HIP1R: variants seen among roughly 807,000 people sequenced by gnomAD.
HIP1R encodes the protein huntingtin-interacting protein 1-related protein.
Under a neutral mutation model 144.2 loss-of-function variants are expected in HIP1R, and 135 were observed. The observed-to-expected ratio is 0.94, with a 90% CI of 0.81 to 1.08. The LOEUF is 1.08. Among genes scored for constraint, HIP1R ranks in the 50% least tolerant of loss-of-function variants. The pLI, the probability that HIP1R is intolerant of heterozygous loss-of-function variation, is 0.00. For synonymous variants in HIP1R, 698 were observed against 612.8 expected, an observed-to-expected ratio of 1.14 and a Z score of -2.05; for missense variants, 1,462 against 1,432.8, an observed-to-expected ratio of 1.02 and a Z score of -0.33.
chr12:122,851,516 G>A (rs2033393761), intron 7 of HIP1R, among the ~76,000 whole-genome samples: 1 of 151,950 alleles, frequency 6.6e-6, no homozygotes, highest in Admixed American at 6.6e-5. Context: ...TGGCCAACAT[G>A]GTGAAACCCT....
Position 122,857,175 on chromosome 12 carries a change from C to T in HIP1R, c.1775C>T (p.Ser592Phe). The change falls in exon 18 of 32, where the codon TCC (serine) becomes TTC (phenylalanine). Residue 592 changes from serine (S) to phenylalanine (F), a missense_variant. Around this residue, in one of 2 missense-constraint regions of HIP1R, gnomAD observed 1,112 missense variants for 1,011.7 expected, o/e 1.10. Transcript: ENST00000253083. ...AALSREQQRS[S>F]QEQGELQGRL... is the part of the protein sequence containing the mutation. ...CTGAGCCGGGAGCAGCAGCGCAGCT[C>T]CCAGGAGCAGGGCGAGTTGCAGGGC... 1 of 1,550,434 alleles carries T rather than the reference C, an allele frequency of 6.4e-7. No homozygotes were observed. The highest frequency in any genetic ancestry group is 8.7e-7 in the Non-Finnish European group (1 of 1,146,862).
chr12:122,860,475 GC>G lies in HIP1R; in HGVS notation c.2614del (p.Leu872SerfsTer52). On this transcript the variant is annotated frameshift_variant, in exon 27 of 32. Transcript: ENST00000253083. LOFTEE classifies it high-confidence loss of function. ...FYAKNSRWTE[G>X]LISASKAVGW... ...GCCAAGAACTCGCGCTGGACCGAAG[GC>G]CTCATCTCGGCCTCCAAGGCTGTGG... is the stretch of plus-strand genomic sequence containing the variant. The G allele has an allele frequency of 6.2e-7, 1 of 1,613,346 alleles. No individual in the cohort carries two copies. The highest frequency in any genetic ancestry group is 1.1e-5 in the South Asian group (1 of 91,092).
chr12:122,859,249 C>G, intron 22 of HIP1R, 52 bp downstream of exon 22: 1 of 1,541,940 alleles, frequency 6.5e-7, no homozygotes, highest in Non-Finnish European at 8.8e-7. Context: ...CCTCTGACCT[C>G]TGCACCCACC....
intron 1 of HIP1R, among the ~76,000 whole-genome samples, chr12:122,839,972 G>T (rs954634293): frequency 3.9e-5 from 6 of 152,204 alleles, no homozygotes; most frequent in Non-Finnish European, 7.3e-5. Context: ...CAACATTTAC[G>T]TGTATAGGAG....
Position 122,858,267 on chromosome 12 carries a change from A to G in HIP1R, c.1963+18A>G, listed in dbSNP as rs749487796. 7 of 1,578,500 alleles carry G rather than the reference A, an allele frequency of 4.4e-6. No individual in the cohort carries two copies. In the East Asian group the frequency reaches 1.6e-4, roughly 36 times the overall value. ...CTCCCCAGGTAGACAGTGGGGCCACACTCAGCCGCTCCCCTGCCTCCTTCC... is the reference window on the plus strand; with the variant it reads ...CTCCCCAGGTAGACAGTGGGGCCACGCTCAGCCGCTCCCCTGCCTCCTTCC... On this transcript the variant is annotated intron_variant, in intron 19 of 31. Coordinates refer to ENST00000253083, the MANE Select transcript of HIP1R (RefSeq NM_003959.3).
chr12:122,847,368 A>T (rs2033239740), intron 1 of HIP1R, among the ~76,000 whole-genome samples: 1 of 152,132 alleles, frequency 6.6e-6, no homozygotes, highest in Non-Finnish European at 1.5e-5. Flanking sequence ...GGCCTTGGTC[A>T]AGTGTGAAGG....
intron 1 of HIP1R, among the ~76,000 whole-genome samples, chr12:122,846,942 G>A (rs1384006523): frequency 6.6e-6 from 1 of 152,224 alleles, no homozygotes; most frequent in African/African-American, 2.4e-5. Context: ...TGGGGAGAAG[G>A]CGCAGGAGCG....
chr12:122,860,539 TGG>T lies in HIP1R; in HGVS notation c.2660+24_2660+25del. 1 of 894,046 alleles carries T rather than the reference TGG, an allele frequency of 1.1e-6. No homozygotes were observed. The highest frequency in any genetic ancestry group is 1.8e-6 in the Non-Finnish European group (1 of 568,402). The allele number at this position is 894,046 out of a possible 1,614,324, so 55.4% of individuals were successfully genotyped here. A position where few individuals can be genotyped will look rare whatever the true frequency, so the allele number is the denominator to read the frequency against. ...CACAGCTGGTGTAGGTTGCCCTGGG[TGG>T]GGGGGGGCAGGGGGCTGCTTCCTGC... On this transcript the variant is annotated intron_variant, in intron 27 of 31. Coordinates refer to ENST00000253083, the MANE Select transcript of HIP1R (RefSeq NM_003959.3).
chr12:122,860,067 A>G lies in HIP1R; in HGVS notation c.2486A>G (p.Asp829Gly). Residue 829 changes from aspartate (D) to glycine (G), a missense_variant, in exon 25 of 32, where the codon GAC becomes GGC. Around this residue, in one of 2 missense-constraint regions of HIP1R, gnomAD observed 1,112 missense variants for 1,011.7 expected, o/e 1.10. Coordinates refer to ENST00000253083, the MANE Select transcript of HIP1R (RefSeq NM_003959.3). Reference sequence around the variant, plus strand: ...CCCAGGATCCTCAACTCCTGCACAGACCTGATGAAGGTGAGGGGCTGTGAC... The same window carrying G: ...CCCAGGATCCTCAACTCCTGCACAGGCCTGATGAAGGTGAGGGGCTGTGAC... ...VNERILNSCTDLMKAIRLLVT... is the reference protein window; with the variant it reads ...VNERILNSCTGLMKAIRLLVT... 3 of 1,574,262 alleles carry G rather than the reference A, an allele frequency of 1.9e-6. No homozygotes were observed. The highest frequency in any genetic ancestry group is 2.6e-6 in the Non-Finnish European group (3 of 1,160,384).
intron 1 of HIP1R, among the ~76,000 whole-genome samples, chr12:122,838,077 G>A (rs376134825): frequency 2.6e-5 from 4 of 152,168 alleles, no homozygotes; most frequent in Non-Finnish European, 5.9e-5. Flanking sequence ...TGCCAGCCTC[G>A]CTTTCCTCCC....
chr12:122,839,893 G>T (rs1223719936), intron 1 of HIP1R, among the ~76,000 whole-genome samples: 2 of 152,182 alleles, frequency 1.3e-5, no homozygotes, highest in Non-Finnish European at 2.9e-5. Flanking sequence ...CTCACAGCCC[G>T]CACCGGCCAG....
chr12:122,857,282 C>T (rs2033616107), intron 18 of HIP1R, 67 bp downstream of exon 18: 2 of 1,396,782 alleles, frequency 1.4e-6, no homozygotes, highest in Non-Finnish European at 2.0e-6. Context: ...CGATCTGTCT[C>T]CGTGATCTGC....
chr12:122,835,178 T>C (rs1348047611), upstream of HIP1R, among the ~76,000 whole-genome samples: 2 of 60,762 alleles, frequency 3.3e-5, no homozygotes, highest in African/African-American at 1.3e-4. Context: ...CCCAACCTTG[T>C]GAGTGAGGTG....
chr12:122,856,239 C>T lies in HIP1R; in HGVS notation c.1313-17C>T, dbSNP rs969523044. 1.9e-6 allele frequency: 3 copies of T among 1,613,582 alleles called. No homozygotes were observed. Among genetic ancestry groups the T allele is most frequent in the Admixed American group, 1.7e-5 (1 of 60,016 alleles). ...CCACCCCACACGGGGCATCACTGCC[C>T]CTCCTCTCGCCCCCAGGGAAGGCCA... On this transcript the variant is annotated splice_polypyrimidine_tract_variant and intron_variant, in intron 14 of 31. Transcript: ENST00000253083.
rs199595596 is a variant in HIP1R at position 122,858,870 on chromosome 12, T to C, written c.2083T>C (p.Phe695Leu). The C allele has an allele frequency of 6.2e-7, 1 of 1,613,164 alleles. No homozygotes were observed. The highest frequency in any genetic ancestry group is 2.2e-5 in the East Asian group (1 of 44,876). Residue 695 changes from phenylalanine (F) to leucine (L), a missense_variant, in exon 21 of 32, where the codon TTC (phenylalanine) becomes CTC (leucine). This residue lies in a region of HIP1R where 1,112 missense variants were observed against 1,011.7 expected (regional missense o/e 1.10). Coordinates refer to ENST00000253083, the MANE Select transcript of HIP1R (RefSeq NM_003959.3). ...CGCCCTGGTGGCAGCTCTGACCCGC[T>C]TCTCCCACCTGGCTGCGGATACCAT... Reference protein sequence around the residue: ...ASALVAALTRFSHLAADTIIN... With the variant: ...ASALVAALTRLSHLAADTIIN...
intron 1 of HIP1R, among the ~76,000 whole-genome samples, chr12:122,845,535 A>G (rs2033186356): frequency 6.6e-6 from 1 of 152,186 alleles, no homozygotes; most frequent in African/African-American, 2.4e-5. Flanking sequence ...GCCCCGTCAC[A>G]CTGCATTCCT....
At chr12:122,859,402 CT>C (rs762583732) in intron 22 of HIP1R, 23 bp from the exon 23 acceptor site, 1 of 1,591,298 alleles carries the variant, frequency 6.3e-7, no homozygotes, top group African/African-American at 1.3e-5. Context: ...GAGGCTACCC[CT>C]GTCTGACTCC....
At chr12:122,850,280 T>C (rs1359744576) in intron 5 of HIP1R, 1 of 520,448 alleles carries the variant, frequency 1.9e-6, no homozygotes, top group African/African-American at 1.9e-5. Context: ...CTGCCACCTA[T>C]GTGGGCCACA....
At chr12:122,842,249 C>T (rs2135634332) in intron 1 of HIP1R, among the ~76,000 whole-genome samples, 1 of 152,330 alleles carries the variant, frequency 6.6e-6, no homozygotes, top group East Asian at 1.9e-4. Context: ...CTTGTCCCTG[C>T]CAAGTGCTGC....
Sources: allele counts gnomAD v4.1 joint callset (sites outside exome capture counted in the v4.1 genomes callset), GRCh38; gene constraint gnomAD v4.1.1; regional missense constraint gnomAD v4.1.1; transcripts MANE v1.5; gene names NCBI Gene and HGNC (gene_info 2026-07-23, HGNC 2026-07-21).